The following ZNF410 variants were observed in gnomAD, a reference collection of about 807,000 sequenced individuals.
ZNF410 encodes zinc finger protein 410.
In ZNF410, 18 loss-of-function variants were observed where a neutral mutation model predicts 54.8. The ratio of observed to expected loss-of-function variants is 0.33; its 90% confidence interval spans 0.23 to 0.49. ZNF410 has a LOEUF of 0.49. ZNF410 is among the 20% of genes least tolerant of loss of function. ZNF410 has a pLI of 0.99. For missense variants in ZNF410, 405 were observed against 569.6 expected (o/e 0.71, Z 2.94); for synonymous variants, 191 against 207.3 (o/e 0.92, Z 0.68).
In ZNF410 at chr14:73,904,934, G is replaced by A; in HGVS notation, c.764G>A (p.Gly255Asp). The change falls in exon 7 of 12, where the codon GGT (glycine) becomes GAT (aspartate). Residue 255 changes from glycine to aspartate, a missense_variant. Physicochemically the swap from Gly to Asp is moderately conservative, Grantham distance 94. Coordinates refer to ENST00000555044, the MANE Select transcript of ZNF410 (RefSeq NM_021188.3). Reference protein sequence around the residue: ...NDRSFICPAEGCGKSFYVLQR... With the variant: ...NDRSFICPAEDCGKSFYVLQR... ...CGCTCCTTCATCTGTCCTGCAGAAGGTTGTGGGAAAAGCTTCTATGTGCTG... is the reference window on the plus strand; with the variant it reads ...CGCTCCTTCATCTGTCCTGCAGAAGATTGTGGGAAAAGCTTCTATGTGCTG... 6.2e-7 allele frequency: 1 copy of A among 1,614,180 alleles called. No individual in the cohort carries two copies. Among genetic ancestry groups the A allele is most frequent in the Non-Finnish European group, 8.5e-7 (1 of 1,180,026 alleles).
At chr14:73,925,661 C>A (rs1463305775) in intron 11 of ZNF410, among the ~76,000 whole-genome samples, 1 of 152,146 alleles carries the variant, frequency 6.6e-6, no homozygotes, top group Non-Finnish European at 1.5e-5. Context: ...CTCCTGACCT[C>A]AAGTGATCCA....
intron 8 of ZNF410, among the ~76,000 whole-genome samples, chr14:73,910,790 A>T: frequency 8.1e-6 from 1 of 124,178 alleles, no homozygotes; most frequent in East Asian, 2.6e-4. Context: ...TAGTTTCAGG[A>T]GGTTGAGGCT....
At chr14:73,898,684 T>G (rs2055360227) in intron 5 of ZNF410, among the ~76,000 whole-genome samples, 2 of 152,208 alleles carry the variant, frequency 1.3e-5, no homozygotes, top group Admixed American at 1.3e-4. Flanking sequence ...AAAAATAACA[T>G]TAAGTCATTG....
chr14:73,897,061 G>A (rs2055328749), intron 4 of ZNF410, among the ~76,000 whole-genome samples: 2 of 152,178 alleles, frequency 1.3e-5, no homozygotes, highest in Admixed American at 1.3e-4. Context: ...AGAGAACTGG[G>A]AGAGAGTGGT....
chr14:73,921,632 C>G (rs955070163), intron 9 of ZNF410, among the ~76,000 whole-genome samples: 1 of 152,134 alleles, frequency 6.6e-6, no homozygotes, highest in Non-Finnish European at 1.5e-5. Context: ...CAGGTGCCAC[C>G]ACACCTGGCT....
chr14:73,931,794 C>T lies in ZNF410; in HGVS notation c.*253C>T. The stretch of plus-strand genomic sequence containing the variant: ...ACTGTACCTACCTCTCTTCCCACTG[C>T]AAATTTCTGGGATAGACCAAAAGTG... On this transcript the variant is annotated 3_prime_UTR_variant, in exon 12 of 12. Transcript: ENST00000555044. The T allele has an allele frequency of 2.0e-6, 1 of 501,176 alleles. No homozygotes were observed. Among genetic ancestry groups the T allele is most frequent in the Non-Finnish European group, 3.7e-6 (1 of 271,410 alleles). The allele number at this position is 501,176 out of a possible 1,614,324, so 31.0% of individuals were successfully genotyped here.
rs1388827851 is a variant in ZNF410, at chr14:73,920,856, G to A, written c.1004-124G>A. 6.2e-6 allele frequency: 8 copies of A among 1,298,082 alleles called. No individual in the cohort carries two copies. In the East Asian group the frequency reaches 7.2e-5, roughly 12 times the overall value. 80.4% of individuals were successfully genotyped at this position (1,298,082 alleles called of 1,614,324 possible). ...GAAGTTTGAGAGGCTGGGAAGGTGC[G>A]GAATGGGAAAAGGAGCAGCTGCTTA... On this transcript the variant is annotated intron_variant, in intron 8 of 11. Coordinates refer to ENST00000555044, the MANE Select transcript of ZNF410 (RefSeq NM_021188.3).
rs191780530 is a variant in ZNF410 at position 73,915,210 on chromosome 14, C to G, written c.1004-5770C>G. On this transcript the variant is annotated intron_variant, in intron 8 of 11. Coordinates refer to ENST00000555044, the MANE Select transcript of ZNF410 (RefSeq NM_021188.3). ...CCAGGAGGTGGAGGTTGCAGTGAGTCGAGATCGCGCCACTGCACTCTAGCC... is the reference window on the plus strand; with the variant it reads ...CCAGGAGGTGGAGGTTGCAGTGAGTGGAGATCGCGCCACTGCACTCTAGCC... 3.7e-3 allele frequency among the ~76,000 whole-genome samples: 544 copies of G among 146,354 alleles called. 1 individual carries two copies. The highest frequency in any genetic ancestry group is 0.013 in the African/African-American group (515 of 39,768).
At chr14:73,893,728 G>T in intron 2 of ZNF410, 69 bp from the exon 3 acceptor site, 2 of 1,511,208 alleles carry the variant, frequency 1.3e-6, no homozygotes, top group Non-Finnish European at 8.8e-7. Flanking sequence ...ATTATCTTTT[G>T]GTAAATTCAA....
In ZNF410 at chr14:73,896,302, T is replaced by C; in HGVS notation, c.170-14T>C. 1 of 1,609,392 alleles carries C rather than the reference T, an allele frequency of 6.2e-7. No homozygotes were observed. Among genetic ancestry groups the C allele is most frequent in the Non-Finnish European group, 8.5e-7 (1 of 1,175,844 alleles). ...TAGGTGCTACATAAAGCTGTGGTAT[T>C]TTCCCTTTACTAGATGATACTACAA... On this transcript the variant is annotated splice_polypyrimidine_tract_variant and intron_variant, in intron 3 of 11. Transcript: ENST00000555044.
rs1340949880 is a variant in ZNF410, at chr14:73,931,780, C to G, written c.*239C>G. ...CTGTGGGCTGGGAAACTGTACCTAC[C>G]TCTCTTCCCACTGCAAATTTCTGGG... On this transcript the variant is annotated 3_prime_UTR_variant, in exon 12 of 12. Transcript: ENST00000555044. 1 of 524,472 alleles carries G rather than the reference C, an allele frequency of 1.9e-6. No homozygotes were observed. The allele number at this position is 524,472 out of a possible 1,614,324, so 32.5% of individuals were successfully genotyped here.
chr14:73,892,635 T>C (rs189113038), intron 2 of ZNF410, among the ~76,000 whole-genome samples: 1 of 152,278 alleles, frequency 6.6e-6, no homozygotes, highest in East Asian at 1.9e-4. Context: ...GTTGTTCACT[T>C]TTCTTACTTT....
intron 8 of ZNF410, chr14:73,913,557 A>G (rs991657982): frequency 6.6e-6 from 1 of 152,234 alleles, no homozygotes; most frequent in African/African-American, 2.4e-5. Flanking sequence ...AAGTTATGCT[A>G]TGCTATAAAG....
At chr14:73,909,766 G>T (rs766497558) in intron 8 of ZNF410, among the ~76,000 whole-genome samples, 1 of 152,116 alleles carries the variant, frequency 6.6e-6, no homozygotes, top group Non-Finnish European at 1.5e-5. Flanking sequence ...CCTTGGGGAG[G>T]ATTTCATATC....
At chr14:73,901,420 AT>A (rs369316873) in intron 5 of ZNF410, among the ~76,000 whole-genome samples, 809 of 137,786 alleles carry the variant, frequency 5.9e-3, no homozygotes, top group Middle Eastern at 7.7e-3. Context: ...TTTCTGAGGG[AT>A]TTTTTTTTTT....
chr14:73,905,605 C>G (rs1594753618), intron 7 of ZNF410: 1 of 152,344 alleles, frequency 6.6e-6, no homozygotes, highest in African/African-American at 2.4e-5. Flanking sequence ...GTTAATATCA[C>G]AGGAGCAAAA....
At chr14:73,900,023 C>T (rs1018670592) in intron 5 of ZNF410, among the ~76,000 whole-genome samples, 12 of 151,922 alleles carry the variant, frequency 7.9e-5, no homozygotes, top group Admixed American at 3.3e-4. Flanking sequence ...TGGAGAAATC[C>T]CGTCTCTACT....
intron 11 of ZNF410, among the ~76,000 whole-genome samples, chr14:73,929,321 G>C (rs2055877638): frequency 6.6e-6 from 1 of 151,886 alleles, no homozygotes; most frequent in African/African-American, 2.4e-5. Context: ...CTCATCCAAG[G>C]TCTAGGTAAT....
At chr14:73,906,818 G>A (rs966796391) in intron 7 of ZNF410, among the ~76,000 whole-genome samples, 26 of 151,860 alleles carry the variant, frequency 1.7e-4, no homozygotes, top group South Asian at 4.2e-4. Context: ...TGATTTTCCC[G>A]TTGTTTTTTT....
Sources: gnomAD v4.1 joint callset for allele counts (sites outside exome capture counted in the v4.1 genomes callset) on GRCh38, gnomAD v4.1.1 for gene constraint, MANE v1.5 for transcripts, NCBI Gene and HGNC (gene_info 2026-07-23, HGNC 2026-07-21) for gene names.